The following DCAF12 variants were observed in gnomAD, a reference collection of about 807,000 sequenced individuals.
The protein encoded by DCAF12 is DDB1- and CUL4-associated factor 12.
Under a neutral mutation model 52.8 loss-of-function variants are expected in DCAF12, and 28 were observed. That is an observed-to-expected ratio of 0.53 (90% CI 0.39 to 0.73). The LOEUF is 0.73. Ranked by LOEUF, DCAF12 falls within the 30% of genes least tolerant of loss-of-function variation. The pLI is 0.00. For missense variants in DCAF12, 425 were observed against 552.2 expected, an observed-to-expected ratio of 0.77 and a Z score of 2.31; for synonymous variants, 196 against 215.5, an observed-to-expected ratio of 0.91 and a Z score of 0.79.
intron 4 of DCAF12, 111 bp from the exon 5 acceptor site, chr9:34,098,628 T>G: frequency 8.4e-7 from 1 of 1,195,868 alleles, no homozygotes; most frequent in Non-Finnish European, 1.2e-6. Context: ...CATCCTCATA[T>G]GTGCTGAAGC....
rs754848458 is a variant in DCAF12 at position 34,126,417 on chromosome 9, T to C, written c.15A>G (p.Val5=). Residue 5 remains valine (V), a synonymous_variant, in exon 1 of 9, where the codon GTA becomes GTG. Coordinates refer to ENST00000361264, the MANE Select transcript of DCAF12 (RefSeq NM_015397.4). ...CGGGCGCTTTCCGCTTCCTGCTAAC[T>C]ACTTTCCGGGCCATAGTGGGCAGCG... is the stretch of plus-strand genomic sequence containing the variant. The part of the protein sequence containing the change: MARK[V]VSRKRKAPAS... 2.5e-6 allele frequency: 4 copies of C among 1,608,636 alleles called. No homozygotes were observed. In the African/African-American group the frequency reaches 5.3e-5, roughly 21 times the overall value.
intron 1 of DCAF12, among the ~76,000 whole-genome samples, 169 bp downstream of exon 1, chr9:34,126,185 C>G (rs775540224): frequency 6.6e-6 from 1 of 152,236 alleles, no homozygotes; most frequent in Admixed American, 6.5e-5. Context: ...GGCCTATCTG[C>G]CCTCCAGTTA....
In DCAF12 at chr9:34,126,400, T is replaced by C; in HGVS notation, c.32A>G (p.Lys11Arg). MARKVVSRKR[K>R]APASPGAGSD... ...CCCAGCTCCCGGCGAGGCGGGCGCT[T>C]TCCGCTTCCTGCTAACTACTTTCCG... Residue 11 changes from lysine (K) to arginine (R), a missense_variant, in exon 1 of 9, where the codon AAA (lysine) becomes AGA (arginine). By Grantham distance (26) the Lys-to-Arg change is conservative (BLOSUM62 2). This residue lies in a region of DCAF12 where 89 missense variants were observed against 84.9 expected (regional missense o/e 1.05). Transcript: ENST00000361264. 1 of 1,610,282 alleles carries C rather than the reference T, an allele frequency of 6.2e-7. No individual in the cohort carries two copies. The highest frequency in any genetic ancestry group is 8.5e-7 in the Non-Finnish European group (1 of 1,179,730).
chr9:34,114,943 G>A (rs1172151453), intron 2 of DCAF12, among the ~76,000 whole-genome samples: 2 of 151,898 alleles, frequency 1.3e-5, no homozygotes, highest in African/African-American at 4.8e-5. Flanking sequence ...CTCCAGCCTG[G>A]GTGACAGAGC....
Position 34,086,625 on chromosome 9 carries a change from CAATT to C in DCAF12, c.*1721_*1724del, listed in dbSNP as rs1254783666. On this transcript the variant is annotated 3_prime_UTR_variant, in exon 9 of 9. Transcript: ENST00000361264. Reference sequence around the variant, plus strand: ...TTTAATAATAGAAAAAAAATTAAGACAATTAAAAGATCTATAGCATCCAGCATTT... The same window carrying C: ...TTTAATAATAGAAAAAAAATTAAGACAAAAGATCTATAGCATCCAGCATTT... The C allele has an allele frequency of 6.6e-5, 10 of 151,748 alleles. No homozygotes were observed. The highest frequency in any genetic ancestry group is 1.0e-4 in the Non-Finnish European group (7 of 67,966). 9.4% of individuals were successfully genotyped at this position (151,748 alleles called of 1,614,324 possible).
chr9:34,116,911 G>A (rs143814490), intron 2 of DCAF12, among the ~76,000 whole-genome samples: 20,031 of 152,222 alleles, frequency 0.13, 1,589 homozygotes, highest in South Asian at 0.32. Context: ...CCCAAGAGGC[G>A]GAGGTTGCAG....
Position 34,093,279 on chromosome 9 carries a change from C to T in DCAF12, c.1024+7G>A. The T allele has an allele frequency of 6.2e-7, 1 of 1,614,140 alleles. No individual in the cohort carries two copies. Among genetic ancestry groups the T allele is most frequent in the Non-Finnish European group, 8.5e-7 (1 of 1,180,002 alleles). Reference sequence around the variant, plus strand: ...TGTAGGCCTGAGGTGCACACAGGGACTCTTACCACTGCCTCGCTCCCTGGA... The same window carrying T: ...TGTAGGCCTGAGGTGCACACAGGGATTCTTACCACTGCCTCGCTCCCTGGA... On this transcript the variant is annotated splice_region_variant and intron_variant, in intron 7 of 8. Transcript: ENST00000361264.
intron 2 of DCAF12, among the ~76,000 whole-genome samples, chr9:34,112,282 G>A (rs1004482538): frequency 1.7e-4 from 26 of 152,080 alleles, no homozygotes; most frequent in Admixed American, 1.7e-3. Context: ...AAATGTGAGT[G>A]GGTTTCTTAT....
At chr9:34,089,210 T>G (rs1352403378) in intron 8 of DCAF12, among the ~76,000 whole-genome samples, 1 of 151,792 alleles carries the variant, frequency 6.6e-6, no homozygotes, top group Non-Finnish European at 1.5e-5. Flanking sequence ...AGTCAACCAG[T>G]GTGTTTTACT....
chr9:34,106,134 G>A (rs72731211), intron 4 of DCAF12, among the ~76,000 whole-genome samples: 4 of 148,242 alleles, frequency 2.7e-5, no homozygotes, highest in South Asian at 2.2e-4. Context: ...CCTCTGTCAT[G>A]TAGGCTGGAG....
At chr9:34,091,454 T>G (rs1017941153) in intron 7 of DCAF12, among the ~76,000 whole-genome samples, 1 of 151,578 alleles carries the variant, frequency 6.6e-6, no homozygotes, top group Non-Finnish European at 1.5e-5. Flanking sequence ...CTGGGCAACA[T>G]GATGAGAACC....
intron 2 of DCAF12, among the ~76,000 whole-genome samples, chr9:34,123,253 C>G (rs1251092910): frequency 6.6e-6 from 1 of 152,160 alleles, no homozygotes; most frequent in East Asian, 1.9e-4. Context: ...ACACATTATC[C>G]AAAGACAATT....
chr9:34,120,596 G>A (rs1211633336), intron 2 of DCAF12, among the ~76,000 whole-genome samples: 6 of 151,004 alleles, frequency 4.0e-5, no homozygotes, highest in South Asian at 4.2e-4. Context: ...GCTTGAACCC[G>A]GAGGCAAAGG....
Position 34,120,539 on chromosome 9 carries a change from C to T in DCAF12, c.333+4484G>A, listed in dbSNP as rs151180447. ...TACAAAAATTGGCCAGGCATGGTAG[C>T]ACGCGCCTGTAGTCCCAGCTAGTCG... On this transcript the variant is annotated intron_variant, in intron 2 of 8. Coordinates refer to ENST00000361264, the MANE Select transcript of DCAF12 (RefSeq NM_015397.4). Among the ~76,000 whole-genome samples the T allele has an allele frequency of 5.4e-3, 814 of 151,602 alleles. 4 individuals are homozygous for T. The highest frequency in any genetic ancestry group is 0.044 in the Middle Eastern group (13 of 294).
At position 34,103,641 on chromosome 9, in the gene DCAF12, C is replaced by A. The variant is rs528576244; in HGVS notation, c.601+2793G>T. Among the ~76,000 whole-genome samples the A allele has an allele frequency of 3.3e-5, 5 of 152,020 alleles. No homozygotes were observed. In the South Asian group the frequency reaches 1.0e-3, roughly 32 times the overall value. On this transcript the variant is annotated intron_variant, in intron 4 of 8. Coordinates refer to ENST00000361264, the MANE Select transcript of DCAF12 (RefSeq NM_015397.4). ...GGCTCAAGTGGGAGGATCGCTTGAG[C>A]CTAGGAGTTTGACAGCAGCCTGGGC... is the stretch of plus-strand genomic sequence containing the variant.
chr9:34,126,613 A>G lies in DCAF12; in HGVS notation c.-182T>C. On this transcript the variant is annotated 5_prime_UTR_variant, in exon 1 of 9. Coordinates refer to ENST00000361264, the MANE Select transcript of DCAF12 (RefSeq NM_015397.4). ...GCGGAAAGAAAGGAAAGAGAGAGGAAGGACTTGAGCCGGGAAAGGGAAGGG... is the reference window on the plus strand; with the variant it reads ...GCGGAAAGAAAGGAAAGAGAGAGGAGGGACTTGAGCCGGGAAAGGGAAGGG... 1 of 675,416 alleles carries G rather than the reference A, an allele frequency of 1.5e-6. No homozygotes were observed. The highest frequency in any genetic ancestry group is 2.4e-6 in the Non-Finnish European group (1 of 411,690). 41.8% of individuals were successfully genotyped at this position (675,416 alleles called of 1,614,324 possible). A position where few individuals can be genotyped will look rare whatever the true frequency, so the allele number is the denominator to read the frequency against.
intron 7 of DCAF12, among the ~76,000 whole-genome samples, chr9:34,092,352 G>C (rs921651402): frequency 1.3e-5 from 2 of 152,102 alleles, no homozygotes; most frequent in African/African-American, 2.4e-5. Flanking sequence ...TAGAATTTTA[G>C]TTCAGGCAGG....
At chr9:34,125,882 C>T (rs1829242354) in intron 1 of DCAF12, among the ~76,000 whole-genome samples, 1 of 152,180 alleles carries the variant, frequency 6.6e-6, no homozygotes, top group South Asian at 2.1e-4. Flanking sequence ...GAGATGATAC[C>T]TGGGAACTGT....
At chr9:34,121,364 G>A (rs953719502) in intron 2 of DCAF12, among the ~76,000 whole-genome samples, 8 of 152,112 alleles carry the variant, frequency 5.3e-5, no homozygotes, top group African/African-American at 1.7e-4. Flanking sequence ...TCCTTAAGCC[G>A]TCCCCCAAAT....
Sources: gnomAD v4.1 joint callset for allele counts (sites outside exome capture counted in the v4.1 genomes callset) on GRCh38, gnomAD v4.1.1 for gene constraint, gnomAD v4.1.1 regional missense constraint, MANE v1.5 for transcripts, NCBI Gene and HGNC (gene_info 2026-07-23, HGNC 2026-07-21) for gene names.